TMEM132D: variants seen among roughly 807,000 people sequenced by gnomAD.
TMEM132D encodes the protein transmembrane protein 132D.
A neutral mutation model predicts 62.3 loss-of-function variants in TMEM132D; 21 were observed. The observed-to-expected ratio is 0.34, with a 90% CI of 0.24 to 0.49. The LOEUF (loss-of-function observed/expected upper bound fraction) is 0.49. TMEM132D is among the 20% of genes least tolerant of loss of function. TMEM132D has a pLI of 0.99. For synonymous variants in TMEM132D, 621 were observed against 575.6 expected, an observed-to-expected ratio of 1.08 and a Z score of -1.13; for missense variants, 1,346 against 1,402.8, an observed-to-expected ratio of 0.96 and a Z score of 0.65.
chr12:129,449,729 T>C (rs1246722458), intron 3 of TMEM132D, among the ~76,000 whole-genome samples: 1 of 152,146 alleles, frequency 6.6e-6, no homozygotes, highest in Non-Finnish European at 1.5e-5. Context: ...TATTTTAAAA[T>C]TTGTAAGTTT....
chr12:129,743,749 T>G (rs1382655489), intron 1 of TMEM132D, among the ~76,000 whole-genome samples: 1 of 152,032 alleles, frequency 6.6e-6, no homozygotes, highest in Non-Finnish European at 1.5e-5. Flanking sequence ...ATTATCAGGG[T>G]AGGCTCAAAT....
intron 4 of TMEM132D, among the ~76,000 whole-genome samples, chr12:129,214,623 T>C (rs150077376): frequency 2.0e-5 from 3 of 152,328 alleles, no homozygotes; most frequent in African/African-American, 4.8e-5. Flanking sequence ...AAAAGTCATT[T>C]AGTGAGACTT....
At chr12:129,273,388 C>G (rs1239309029) in intron 4 of TMEM132D, among the ~76,000 whole-genome samples, 1 of 145,834 alleles carries the variant, frequency 6.9e-6, no homozygotes, top group African/African-American at 2.6e-5. Flanking sequence ...CTTGCTCCAG[C>G]AATCCCACTG....
chr12:129,319,455 T>C (rs528186581), intron 4 of TMEM132D, among the ~76,000 whole-genome samples: 2 of 152,292 alleles, frequency 1.3e-5, no homozygotes, highest in South Asian at 4.1e-4. Context: ...GTATTCGGGG[T>C]GTCTCCTGAT....
At chr12:129,559,530 C>T (rs1055063122) in intron 2 of TMEM132D, among the ~76,000 whole-genome samples, 14 of 152,162 alleles carry the variant, frequency 9.2e-5, no homozygotes, top group African/African-American at 3.1e-4. Context: ...GTGAGTCTTA[C>T]GCACATGTAA....
chr12:129,582,933 TTTTTG>T (rs368105172), intron 2 of TMEM132D, among the ~76,000 whole-genome samples: 1 of 150,808 alleles, frequency 6.6e-6, no homozygotes, highest in Non-Finnish European at 1.5e-5. Context: ...CCGAGTTTGT[TTTTTG>T]TTTTGTTTTG....
At chr12:129,651,282 C>A (rs898267418) in intron 2 of TMEM132D, among the ~76,000 whole-genome samples, 2 of 152,126 alleles carry the variant, frequency 1.3e-5, no homozygotes, top group African/African-American at 2.4e-5. Context: ...TGAGCATATT[C>A]TTTTCTTTTG....
chr12:129,803,987 C>A (rs1016981003), intron 1 of TMEM132D, among the ~76,000 whole-genome samples: 2 of 123,298 alleles, frequency 1.6e-5, no homozygotes, highest in African/African-American at 6.0e-5. Context: ...AAGACTAAAC[C>A]AGGAAGAAGT....
At chr12:129,766,398 T>C (rs1433743977) in intron 1 of TMEM132D, among the ~76,000 whole-genome samples, 2 of 152,192 alleles carry the variant, frequency 1.3e-5, no homozygotes, top group Admixed American at 1.3e-4. Flanking sequence ...ACACATACCA[T>C]AACATTTACT....
chr12:129,490,596 A>ATTTTTTTTTTTTTTTTTTTTTTTT (rs35535325), intron 3 of TMEM132D, among the ~76,000 whole-genome samples: 3 of 71,112 alleles, frequency 4.2e-5, no homozygotes, highest in African/African-American at 1.6e-4. Flanking sequence ...CGCCCGGCTA[A>ATTTTTTTTTTTTTTTTTTTTTTTT]TTTTTTTTTT....
At chr12:129,898,268 A>C (rs1298078117) in intron 1 of TMEM132D, among the ~76,000 whole-genome samples, 1 of 152,222 alleles carries the variant, frequency 6.6e-6, no homozygotes, top group Non-Finnish European at 1.5e-5. Context: ...CACAGTTAAA[A>C]ATTGTATTGA....
intron 3 of TMEM132D, among the ~76,000 whole-genome samples, chr12:129,399,894 T>TGGG (rs925109742): frequency 2.0e-5 from 3 of 150,730 alleles, no homozygotes; most frequent in African/African-American, 7.4e-5. Flanking sequence ...TGTGTGTGTG[T>TGGG]GGGGGGGTAT....
At chr12:129,438,401 G>A (rs1872846836) in intron 3 of TMEM132D, among the ~76,000 whole-genome samples, 1 of 152,076 alleles carries the variant, frequency 6.6e-6, no homozygotes, top group Non-Finnish European at 1.5e-5. Flanking sequence ...CAAATAATGT[G>A]TTGTATATTC....
At chr12:129,361,891 G>A (rs910147992) in intron 3 of TMEM132D, among the ~76,000 whole-genome samples, 1 of 152,180 alleles carries the variant, frequency 6.6e-6, no homozygotes, top group South Asian at 2.1e-4. Context: ...CAAAACACGC[G>A]ATGTGCCTGA....
chr12:129,541,353 G>A (rs116656594), intron 2 of TMEM132D, among the ~76,000 whole-genome samples: 1,889 of 152,212 alleles, frequency 0.012, 34 homozygotes, highest in African/African-American at 0.042. Flanking sequence ...CAACAGTCAA[G>A]GATGTTATTT....
At chr12:129,244,407 AAACAAAC>A in intron 4 of TMEM132D, among the ~76,000 whole-genome samples, 1 of 138,600 alleles carries the variant, frequency 7.2e-6, no homozygotes, top group East Asian at 2.7e-4. Flanking sequence ...AAAAAAAAAA[AAACAAAC>A]AAAAAGGAAC....
intron 2 of TMEM132D, among the ~76,000 whole-genome samples, chr12:129,566,214 CAAAT>C (rs1446350680): frequency 1.3e-5 from 2 of 152,128 alleles, no homozygotes; most frequent in Admixed American, 1.3e-4. Flanking sequence ...AAATAATAAA[CAAAT>C]AAACTGGCAA....
At chr12:129,897,089 C>A (rs1197129970) in intron 1 of TMEM132D, among the ~76,000 whole-genome samples, 2 of 152,144 alleles carry the variant, frequency 1.3e-5, no homozygotes, top group Non-Finnish European at 2.9e-5. Flanking sequence ...GTGGTATGTA[C>A]CCCTTAATTC....
chr12:129,651,733 A>T (rs1339672100), intron 2 of TMEM132D, among the ~76,000 whole-genome samples: 1 of 152,174 alleles, frequency 6.6e-6, no homozygotes, highest in African/African-American at 2.4e-5. Context: ...GCAACCCAAG[A>T]CATTCTTTCC....
Sources: allele counts gnomAD v4.1 joint callset (sites outside exome capture counted in the v4.1 genomes callset), GRCh38; gene constraint gnomAD v4.1.1; transcripts MANE v1.5; gene names NCBI Gene and HGNC (gene_info 2026-07-23, HGNC 2026-07-21).